NFIA: variants seen among roughly 807,000 people sequenced by gnomAD.
NFIA encodes nuclear factor 1 A-type.
A neutral mutation model predicts 62.8 loss-of-function variants in NFIA; 8 were observed. The ratio of observed to expected loss-of-function variants is 0.13; its 90% CI spans 0.07 to 0.23. The LOEUF (loss-of-function observed/expected upper bound fraction) is 0.23. Among genes scored for constraint, NFIA ranks in the 10% least tolerant of loss-of-function variants. The pLI, the probability that NFIA is intolerant of heterozygous loss-of-function variation, is 1.00. For missense variants in NFIA, 410 were observed against 642.1 expected, an observed-to-expected ratio of 0.64 and a Z score of 3.91; for synonymous variants, 235 against 238.1, an observed-to-expected ratio of 0.99 and a Z score of 0.12.
chr1:61,286,284 C>T (rs1658489466), intron 3 of NFIA, among the ~76,000 whole-genome samples: 1 of 151,560 alleles, frequency 6.6e-6, no homozygotes. Flanking sequence ...AAAAATTAGC[C>T]GGGTGTGGTT....
rs28608493 is a variant in NFIA at position 61,396,027 on chromosome 1, A to G, written c.1076-8077A>G. 9.2e-5 allele frequency among the ~76,000 whole-genome samples: 14 copies of G among 152,302 alleles called. No individual in the cohort carries two copies. The East Asian group carries it at 2.5e-3, about 27-fold the overall frequency. ...CCCAGAGACTGAATTCTATACATCC[A>G]CTAGAGCTTAAACTAGATGAGCTTC... On this transcript the variant is annotated intron_variant, in intron 7 of 10. Transcript: ENST00000403491.
chr1:61,368,175 A>G (rs1290164776), intron 6 of NFIA, among the ~76,000 whole-genome samples: 1 of 152,226 alleles, frequency 6.6e-6, no homozygotes. Flanking sequence ...ATGTTTGAAA[A>G]TGAAGCTGTG....
At chr1:61,439,056 C>G (rs1265750341) in intron 10 of NFIA, among the ~76,000 whole-genome samples, 1 of 150,344 alleles carries the variant, frequency 6.7e-6, no homozygotes, top group African/African-American at 2.4e-5. Context: ...ACATATGCGT[C>G]CATCTAGTCC....
chr1:61,255,375 T>G, intron 2 of NFIA, among the ~76,000 whole-genome samples: 1 of 152,246 alleles, frequency 6.6e-6, no homozygotes, highest in African/African-American at 2.4e-5. Flanking sequence ...AGTGATTCTC[T>G]TGGTGTAAAA....
intron 2 of NFIA, among the ~76,000 whole-genome samples, chr1:61,205,575 T>C (rs954184672): frequency 1.3e-5 from 2 of 152,190 alleles, no homozygotes; most frequent in African/African-American, 4.8e-5. Context: ...AATCAGACCT[T>C]GGCGATGATC....
intron 2 of NFIA, chr1:61,248,908 C>T (rs1158196486): frequency 6.6e-6 from 1 of 152,212 alleles, no homozygotes; most frequent in Non-Finnish European, 1.5e-5. Context: ...AAGGTAGCAT[C>T]TCATGGTCCC....
intron 2 of NFIA, among the ~76,000 whole-genome samples, chr1:61,107,001 T>C (rs1314771679): frequency 6.6e-6 from 1 of 151,542 alleles, no homozygotes; most frequent in African/African-American, 2.4e-5. Context: ...GGAATTGCTT[T>C]TTTTCACTCT....
chr1:61,455,201 A>G (rs1668244123), intron 10 of NFIA, 102 bp from the exon 11 acceptor site: 2 of 1,188,728 alleles, frequency 1.7e-6, no homozygotes, highest in African/African-American at 1.5e-5. Flanking sequence ...TCCCTCCCGC[A>G]TCCCTAACGT....
intron 9 of NFIA, among the ~76,000 whole-genome samples, chr1:61,415,076 A>C (rs1666291597): frequency 6.6e-6 from 1 of 152,160 alleles, no homozygotes; most frequent in African/African-American, 2.4e-5. Flanking sequence ...TGTTTCAAAA[A>C]TTGAGAGATT....
chr1:61,441,148 G>T (rs962636796), intron 10 of NFIA, among the ~76,000 whole-genome samples: 2 of 152,164 alleles, frequency 1.3e-5, no homozygotes, highest in African/African-American at 2.4e-5. Flanking sequence ...TAGAAAATGG[G>T]TGCATGGTTT....
At chr1:61,079,364 G>A (rs1646068833), upstream of NFIA, among the ~76,000 whole-genome samples, 1 of 152,132 alleles carries the variant, frequency 6.6e-6, no homozygotes, top group Admixed American at 6.5e-5. Flanking sequence ...TCCAAAATGA[G>A]AGCTATTTGA....
At chr1:61,166,733 GCT>G (rs757441212) in intron 2 of NFIA, among the ~76,000 whole-genome samples, 8 of 152,184 alleles carry the variant, frequency 5.3e-5, no homozygotes, top group Non-Finnish European at 5.9e-5. Context: ...GGGAGTATAG[GCT>G]CTCTCAGCAT....
intron 3 of NFIA, among the ~76,000 whole-genome samples, chr1:61,298,773 C>G (rs1292983342): frequency 6.6e-6 from 1 of 152,154 alleles, no homozygotes; most frequent in Non-Finnish European, 1.5e-5. Context: ...AGCCAGTACT[C>G]AAAAAGTAGA....
intron 3 of NFIA, among the ~76,000 whole-genome samples, chr1:61,291,208 A>G (rs1349025340): frequency 6.6e-6 from 1 of 152,218 alleles, no homozygotes; most frequent in Admixed American, 6.5e-5. Context: ...CGTCATCTCC[A>G]TTGTACCCCT....
chr1:61,225,594 A>T (rs1288434292), intron 2 of NFIA, among the ~76,000 whole-genome samples: 3 of 150,084 alleles, frequency 2.0e-5, no homozygotes, highest in African/African-American at 2.5e-5. Context: ...AGATGGAGCA[A>T]CTATAGCAGG....
At chr1:61,327,891 C>T (rs1661041101) in intron 3 of NFIA, among the ~76,000 whole-genome samples, 1 of 152,026 alleles carries the variant, frequency 6.6e-6, no homozygotes, top group African/African-American at 2.4e-5. Context: ...TATAAGCATA[C>T]CCTTTTCACC....
intron 10 of NFIA, among the ~76,000 whole-genome samples, chr1:61,444,158 C>G (rs1367401618): frequency 6.6e-6 from 1 of 152,174 alleles, no homozygotes; most frequent in Non-Finnish European, 1.5e-5. Flanking sequence ...CCACAGAAAG[C>G]TGAAACTCAT....
chr1:61,083,015 A>G (rs1570110072), intron 1 of NFIA, among the ~76,000 whole-genome samples, 197 bp downstream of exon 1: 1 of 151,556 alleles, frequency 6.6e-6, no homozygotes. Flanking sequence ...GCTTAAAGAA[A>G]GTAACTTTGT....
chr1:61,430,594 G>A (rs1250506534), intron 10 of NFIA, among the ~76,000 whole-genome samples: 1 of 152,092 alleles, frequency 6.6e-6, no homozygotes, highest in Non-Finnish European at 1.5e-5. Flanking sequence ...TGTAATGATT[G>A]GTGGGGAAAG....
Sources: gnomAD v4.1 joint callset for allele counts (sites outside exome capture counted in the v4.1 genomes callset) on GRCh38, gnomAD v4.1.1 for gene constraint, MANE v1.5 for transcripts, NCBI Gene and HGNC (gene_info 2026-07-23, HGNC 2026-07-21) for gene names.